CHIC2: variants seen among roughly 807,000 people sequenced by gnomAD.
CHIC2 encodes cysteine rich hydrophobic domain 2, also known as cysteine-rich hydrophobic domain-containing protein 2.
In CHIC2, 14 loss-of-function variants were observed where a neutral mutation model predicts 25.9. That is an observed-to-expected ratio of 0.54 (90% CI 0.36 to 0.85). CHIC2 has a LOEUF of 0.85. Among genes scored for constraint, CHIC2 ranks in the 40% least tolerant of loss-of-function variants. The probability of loss-of-function intolerance (pLI) is 0.01; values close to 1 mark genes in which losing one functional copy is unlikely to be tolerated. For missense variants in CHIC2, 146 were observed against 202.0 expected, an observed-to-expected ratio of 0.72 and a Z score of 1.68; for synonymous variants, 70 against 72.0, an observed-to-expected ratio of 0.97 and a Z score of 0.14.
intron 3 of CHIC2, among the ~76,000 whole-genome samples, chr4:54,041,128 A>T (rs1425777746): frequency 6.6e-6 from 1 of 151,496 alleles, no homozygotes; most frequent in East Asian, 2.0e-4. Context: ...GTTGGCCAGG[A>T]TGGTCTCGAT....
At chr4:54,047,460 T>A (rs966940307) in intron 3 of CHIC2, among the ~76,000 whole-genome samples, 1 of 152,050 alleles carries the variant, frequency 6.6e-6, no homozygotes, top group Admixed American at 6.5e-5. Context: ...CATGGAATAC[T>A]ATGCAGCCAT....
intron 1 of CHIC2, among the ~76,000 whole-genome samples, chr4:54,057,766 T>G (rs2110092150): frequency 6.6e-6 from 1 of 152,256 alleles, no homozygotes; most frequent in East Asian, 1.9e-4. Context: ...AATCAAAGAT[T>G]AAGCAAAAAA....
the CHIC2 span, among the ~76,000 whole-genome samples, chr4:54,071,190 G>A: frequency 2.0e-5 from 3 of 152,158 alleles, no homozygotes; most frequent in South Asian, 4.1e-4. Flanking sequence ...AGCTAAATGT[G>A]TATATAGATT....
At chr4:54,054,921 G>A (rs1012535150) in intron 1 of CHIC2, among the ~76,000 whole-genome samples, 25 of 152,158 alleles carry the variant, frequency 1.6e-4, no homozygotes, top group African/African-American at 5.1e-4. Context: ...CAGAAACTGA[G>A]ATCACCAGAC....
the CHIC2 span, among the ~76,000 whole-genome samples, chr4:54,090,599 C>T: frequency 3.9e-5 from 6 of 152,276 alleles, no homozygotes; most frequent in Non-Finnish European, 5.9e-5. Flanking sequence ...ACATCAACGT[C>T]GTCATAGTTT....
At chr4:54,072,676 C>T in the CHIC2 span, among the ~76,000 whole-genome samples, 1 of 152,218 alleles carries the variant, frequency 6.6e-6, no homozygotes, top group Non-Finnish European at 1.5e-5. Context: ...TGCCTGGAAT[C>T]CAAGAGTCAT....
intron 3 of CHIC2, among the ~76,000 whole-genome samples, chr4:54,036,109 A>C (rs1356686641): frequency 6.6e-6 from 1 of 152,194 alleles, no homozygotes; most frequent in African/African-American, 2.4e-5. Flanking sequence ...TTGTTTAATT[A>C]CTTTGAATAA....
chr4:54,062,279 A>T (rs1717357921), intron 1 of CHIC2, among the ~76,000 whole-genome samples: 1 of 152,146 alleles, frequency 6.6e-6, no homozygotes, highest in Non-Finnish European at 1.5e-5. Flanking sequence ...CCCTCCCTAT[A>T]ACCTGGAATA....
At chr4:54,087,128 G>A in the CHIC2 span, 1 of 831,764 alleles carries the variant, frequency 1.2e-6, no homozygotes, top group Non-Finnish European at 2.1e-6. Flanking sequence ...CTTAGCTTCA[G>A]GATCCGTGAG....
chr4:54,082,250 C>T, the CHIC2 span, among the ~76,000 whole-genome samples: 76 of 152,256 alleles, frequency 5.0e-4, 1 homozygote, highest in South Asian at 3.7e-3. Context: ...TTTTGCAAGC[C>T]CTTTAAGTCC....
chr4:54,065,231 T>A, upstream of CHIC2: 1 of 730,304 alleles, frequency 1.4e-6, no homozygotes, highest in Non-Finnish European at 1.7e-6. Context: ...AGGCCAGCGA[T>A]GCTGGTATTT....
chr4:54,076,169 G>C, the CHIC2 span, among the ~76,000 whole-genome samples: 1 of 152,010 alleles, frequency 6.6e-6, no homozygotes, highest in Non-Finnish European at 1.5e-5. Flanking sequence ...CACAGCTGTA[G>C]TCCCAGTTAT....
At chr4:54,039,248 GCAAAAGCTTTTGTTC>G (rs1434233746) in intron 3 of CHIC2, among the ~76,000 whole-genome samples, 4 of 152,104 alleles carry the variant, frequency 2.6e-5, no homozygotes, top group African/African-American at 9.6e-5. Context: ...TTCATCAAAA[GCAAAAGCTTTTGTTC>G]CGCCGAAGAC....
chr4:54,033,533 A>G (rs570689985), intron 3 of CHIC2, among the ~76,000 whole-genome samples: 76 of 152,260 alleles, frequency 5.0e-4, no homozygotes, highest in Admixed American at 2.9e-3. Flanking sequence ...ACTTTTATGG[A>G]GTCCAATTTG....
the CHIC2 span, among the ~76,000 whole-genome samples, chr4:54,081,444 C>T: frequency 6.6e-6 from 1 of 151,836 alleles, no homozygotes; most frequent in African/African-American, 2.4e-5. Context: ...CTTATTATCG[C>T]TATTATTCTC....
chr4:54,072,775 A>G, the CHIC2 span, among the ~76,000 whole-genome samples: 1 of 152,146 alleles, frequency 6.6e-6, no homozygotes, highest in African/African-American at 2.4e-5. Context: ...TCCTTCAAAT[A>G]TGTTAAGATG....
chr4:54,010,519 T>C (rs1715552239), intron 5 of CHIC2, among the ~76,000 whole-genome samples: 1 of 152,128 alleles, frequency 6.6e-6, no homozygotes, highest in Non-Finnish European at 1.5e-5. Flanking sequence ...TAGAACTAAC[T>C]GTATACCAGG....
At chr4:54,038,056 C>G (rs147852080) in intron 3 of CHIC2, among the ~76,000 whole-genome samples, 3 of 152,006 alleles carry the variant, frequency 2.0e-5, no homozygotes, top group East Asian at 3.9e-4. Flanking sequence ...AACAGAAAAA[C>G]AACACAGAAA....
the CHIC2 span, among the ~76,000 whole-genome samples, chr4:54,091,726 C>T: frequency 0.017 from 2,619 of 152,276 alleles, 53 homozygotes; most frequent in African/African-American, 0.058. Context: ...ATCTCATTCC[C>T]TACCCTCATT....
Sources: gnomAD v4.1 joint callset for allele counts (sites outside exome capture counted in the v4.1 genomes callset) on GRCh38, gnomAD v4.1.1 for gene constraint, MANE v1.5 for transcripts, NCBI Gene and HGNC (gene_info 2026-07-23, HGNC 2026-07-21) for gene names.